The following PRKD1 variants were observed in gnomAD, a reference collection of about 807,000 sequenced individuals.
PRKD1 encodes the protein protein kinase D1.
PRKD1 carries 63 observed loss-of-function variants against 95.9 expected under a neutral mutation model. The observed-to-expected ratio is 0.66, with a 90% CI of 0.54 to 0.81. The LOEUF (loss-of-function observed/expected upper bound fraction) is 0.81. Ranked by LOEUF, PRKD1 falls within the 30% of genes least tolerant of loss-of-function variation. The pLI is 0.00. For missense variants in PRKD1, 1,048 were observed against 1,165.3 expected (o/e 0.90, Z 1.47); for synonymous variants, 425 against 423.1 (o/e 1.00, Z -0.05).
At chr14:29,871,968 T>C (rs1893124330) in intron 1 of PRKD1, among the ~76,000 whole-genome samples, 1 of 152,260 alleles carries the variant, frequency 6.6e-6, no homozygotes, top group Non-Finnish European at 1.5e-5. Flanking sequence ...AGAATGTTTA[T>C]GTTCTTGATT....
At chr14:29,794,407 G>T (rs562581044) in intron 1 of PRKD1, among the ~76,000 whole-genome samples, 38 of 151,498 alleles carry the variant, frequency 2.5e-4, no homozygotes, top group African/African-American at 8.7e-4. Context: ...TTTTTTGAGG[G>T]GGTGGCAATT....
intron 1 of PRKD1, among the ~76,000 whole-genome samples, chr14:29,915,407 A>G (rs1894857339): frequency 6.6e-6 from 1 of 152,240 alleles, no homozygotes; most frequent in Non-Finnish European, 1.5e-5. Context: ...TAGACGTACT[A>G]TAGATCATAT....
chr14:29,909,290 C>T (rs1237279974), intron 1 of PRKD1, among the ~76,000 whole-genome samples: 1 of 147,210 alleles, frequency 6.8e-6, no homozygotes, highest in East Asian at 2.1e-4. Flanking sequence ...CTACCCAACC[C>T]CCCCCGCCCC....
intron 4 of PRKD1, among the ~76,000 whole-genome samples, chr14:29,658,987 C>T (rs185705194): frequency 4.7e-4 from 71 of 152,228 alleles, no homozygotes; most frequent in African/African-American, 1.7e-3. Context: ...AGATCCATTG[C>T]TATTATCATT....
intron 1 of PRKD1, among the ~76,000 whole-genome samples, chr14:29,873,681 T>A (rs1474496079): frequency 6.6e-6 from 1 of 152,112 alleles, no homozygotes; most frequent in Non-Finnish European, 1.5e-5. Context: ...ATTTTTTTCA[T>A]CAGTAGTTTA....
intron 1 of PRKD1, among the ~76,000 whole-genome samples, chr14:29,911,646 G>A (rs1894718153): frequency 6.6e-6 from 1 of 152,044 alleles, no homozygotes; most frequent in Non-Finnish European, 1.5e-5. Context: ...TCCACTTTGG[G>A]GCTTATCTGA....
rs45502096 is a variant in PRKD1 at position 29,761,952 on chromosome 14, C to T, written c.265-36278G>A. Among the ~76,000 whole-genome samples, 298 of 151,724 alleles carry T rather than the reference C, an allele frequency of 2.0e-3. 2 individuals carry two copies. Among genetic ancestry groups the T allele is most frequent in the African/African-American group, 6.9e-3 (284 of 41,356 alleles). The stretch of plus-strand genomic sequence containing the variant: ...CCAAGACTGGCTATTCTTTATTTTT[C>T]GTAGAGATGGGGTCTCACTATGTTC... On this transcript the variant is annotated intron_variant, in intron 1 of 17. Coordinates refer to ENST00000331968, the MANE Select transcript of PRKD1 (RefSeq NM_002742.3).
At chr14:29,583,174 CCTT>C (rs1892805136) in intron 16 of PRKD1, among the ~76,000 whole-genome samples, 1 of 152,050 alleles carries the variant, frequency 6.6e-6, no homozygotes, top group African/African-American at 2.4e-5. Context: ...CCCTGTACCT[CCTT>C]CTATAAAAAC....
chr14:29,919,984 GAA>G lies in PRKD1; in HGVS notation c.264+7263_264+7264del, dbSNP rs563475323. The stretch of plus-strand genomic sequence containing the variant: ...CCTGAGAAAGAGAGAGAGAGAGAGA[GAA>G]AGAGAGGAAGGAAGGTAGGAAGGAA... On this transcript the variant is annotated intron_variant, in intron 1 of 17. Transcript: ENST00000331968. Among the ~76,000 whole-genome samples, 829 of 148,620 alleles carry G rather than the reference GAA, an allele frequency of 5.6e-3. 3 individuals carry two copies. Among genetic ancestry groups the G allele is most frequent in the Non-Finnish European group, 7.5e-3 (503 of 67,246 alleles).
intron 2 of PRKD1, among the ~76,000 whole-genome samples, chr14:29,677,092 A>G (rs1883273345): frequency 6.6e-6 from 1 of 152,174 alleles, no homozygotes; most frequent in Non-Finnish European, 1.5e-5. Flanking sequence ...CAACAACAAA[A>G]AAATTGGACC....
intron 2 of PRKD1, among the ~76,000 whole-genome samples, chr14:29,679,640 C>T (rs777835409): frequency 2.6e-5 from 4 of 151,468 alleles, no homozygotes; most frequent in Non-Finnish European, 5.9e-5. Context: ...GATTTGGAGA[C>T]TGTCAACATC....
chr14:29,636,228 T>A (rs868848383), intron 7 of PRKD1, 62 bp downstream of exon 7: 1 of 1,575,184 alleles, frequency 6.3e-7, no homozygotes, highest in Non-Finnish European at 8.7e-7. Context: ...ATCAAAGAGG[T>A]TTAAAGAGAA....
At chr14:29,740,359 T>C (rs1424636529) in intron 1 of PRKD1, among the ~76,000 whole-genome samples, 6 of 152,174 alleles carry the variant, frequency 3.9e-5, no homozygotes, top group Non-Finnish European at 7.4e-5. Context: ...TAAAAAAGTT[T>C]AACCAAAAGT....
At chr14:29,882,248 T>C (rs1471932469) in intron 1 of PRKD1, among the ~76,000 whole-genome samples, 2 of 152,248 alleles carry the variant, frequency 1.3e-5, no homozygotes, top group Non-Finnish European at 2.9e-5. Context: ...TAATTTATCA[T>C]GTCCATGTTT....
At chr14:29,752,595 T>C (rs2139463937) in intron 1 of PRKD1, among the ~76,000 whole-genome samples, 1 of 151,290 alleles carries the variant, frequency 6.6e-6, no homozygotes, top group Admixed American at 6.6e-5. Context: ...ATATATAATT[T>C]CTGAAATGTT....
At chr14:29,598,923 A>C in intron 15 of PRKD1, 104 bp downstream of exon 15, 1 of 992,924 alleles carries the variant, frequency 1.0e-6, no homozygotes. Flanking sequence ...AAACACTTGA[A>C]ACAAATAAAG....
At chr14:29,647,372 G>A (rs1052256323) in intron 4 of PRKD1, among the ~76,000 whole-genome samples, 1 of 152,170 alleles carries the variant, frequency 6.6e-6, no homozygotes, top group Non-Finnish European at 1.5e-5. Context: ...CACCAGAACT[G>A]TTCAAAAATT....
At chr14:29,858,340 G>A (rs1892582744) in intron 1 of PRKD1, among the ~76,000 whole-genome samples, 1 of 152,172 alleles carries the variant, frequency 6.6e-6, no homozygotes, top group Non-Finnish European at 1.5e-5. Context: ...ACCTATAATA[G>A]TGTATGGCAA....
intron 4 of PRKD1, among the ~76,000 whole-genome samples, chr14:29,659,182 T>C (rs775646639): frequency 2.0e-5 from 3 of 152,204 alleles, no homozygotes; most frequent in Non-Finnish European, 4.4e-5. Context: ...CCCACCTTAG[T>C]TTTATTTTTA....
Sources: gnomAD v4.1 joint callset for allele counts (sites outside exome capture counted in the v4.1 genomes callset) on GRCh38, gnomAD v4.1.1 for gene constraint, MANE v1.5 for transcripts, NCBI Gene and HGNC (gene_info 2026-07-23, HGNC 2026-07-21) for gene names.